Variants in RDX observed in about 807,000 individuals in gnomAD.
RDX encodes deafness, autosomal recessive 24.
RDX carries 32 observed loss-of-function variants against 83.7 expected under a neutral mutation model. The observed-to-expected ratio is 0.38, with a 90% CI of 0.29 to 0.51. The LOEUF (loss-of-function observed/expected upper bound fraction) is 0.51. Ranked by LOEUF, RDX falls within the 20% of genes least tolerant of loss-of-function variation. The pLI is 0.87. For missense variants in RDX, 600 were observed against 689.9 expected (o/e 0.87, Z 1.46); for synonymous variants, 229 against 222.7 (o/e 1.03, Z -0.25).
At chr11:110,197,490 T>C (rs1286864844) in intron 15 of RDX, among the ~76,000 whole-genome samples, 1 of 152,246 alleles carries the variant, frequency 6.6e-6, no homozygotes, top group East Asian at 1.9e-4. Context: ...CATGTCTAGA[T>C]AATTCAAAAT....
intron 14 of RDX, among the ~76,000 whole-genome samples, chr11:110,217,294 G>T (rs1340317136): frequency 6.7e-6 from 1 of 149,422 alleles, no homozygotes; most frequent in Admixed American, 6.6e-5. Context: ...AACTGCACAT[G>T]ATTCAACCTA....
At chr11:110,177,382 G>A (rs1448695974) in intron 15 of RDX, among the ~76,000 whole-genome samples, 1 of 152,172 alleles carries the variant, frequency 6.6e-6, no homozygotes, top group African/African-American at 2.4e-5. Flanking sequence ...TGTAAAAGGT[G>A]ATCTTTTAAC....
At chr11:110,219,448 G>C (rs1014365801) in intron 14 of RDX, among the ~76,000 whole-genome samples, 2 of 152,220 alleles carry the variant, frequency 1.3e-5, no homozygotes, top group Non-Finnish European at 2.9e-5. Flanking sequence ...CTTACCTGTT[G>C]TAAGATCTTA....
At chr11:110,250,412 CA>C (rs1168905507) in intron 9 of RDX, among the ~76,000 whole-genome samples, 7 of 152,180 alleles carry the variant, frequency 4.6e-5, no homozygotes, top group Non-Finnish European at 2.9e-5. Context: ...CCACAGTTCC[CA>C]AGCCAACTAC....
intron 12 of RDX, among the ~76,000 whole-genome samples, chr11:110,234,451 T>C (rs555073111): frequency 6.6e-6 from 1 of 152,260 alleles, no homozygotes; most frequent in Admixed American, 6.5e-5. Context: ...GAGATGAAAA[T>C]TGACTAAAAT....
At chr11:110,177,739 G>C (rs901819025) in intron 15 of RDX, among the ~76,000 whole-genome samples, 16 of 152,008 alleles carry the variant, frequency 1.1e-4, no homozygotes, top group Middle Eastern at 3.4e-3. Flanking sequence ...CTGCCTCGGC[G>C]TCCCAAAGTG....
chr11:110,269,812 C>A (rs186245892), intron 3 of RDX, among the ~76,000 whole-genome samples: 1 of 152,096 alleles, frequency 6.6e-6, no homozygotes, highest in African/African-American at 2.4e-5. Context: ...CCGAGGGAGG[C>A]GGATCACTTG....
intron 14 of RDX, among the ~76,000 whole-genome samples, chr11:110,223,016 TGAAC>T (rs1864305204): frequency 6.6e-6 from 1 of 152,162 alleles, no homozygotes; most frequent in East Asian, 1.9e-4. Flanking sequence ...TTACATACAA[TGAAC>T]GATTATATGT....
rs746694085 is a variant in RDX at position 110,247,386 on chromosome 11, ATG to A, written c.1090+315_1090+316del. 2.5e-3 allele frequency among the ~76,000 whole-genome samples: 382 copies of A among 152,312 alleles called. 2 individuals carry two copies. The highest frequency in any genetic ancestry group is 4.1e-3 in the Non-Finnish European group (282 of 68,012). ...CTTTAAATGCCATAATGTATTGCAT[ATG>A]TGTTTTTTGTTTATAAAGCCCATAT... is the stretch of plus-strand genomic sequence containing the variant. On this transcript the variant is annotated intron_variant, in intron 10 of 13. Coordinates refer to ENST00000645495, the MANE Select transcript of RDX (RefSeq NM_002906.4).
chr11:110,206,202 A>G (rs1310359957), intron 14 of RDX, among the ~76,000 whole-genome samples: 1 of 144,964 alleles, frequency 6.9e-6, no homozygotes, highest in African/African-American at 2.6e-5. Flanking sequence ...GGTTGCAGTG[A>G]GCCAAGATCA....
Position 110,210,656 on chromosome 11 carries a change from C to T in RDX, c.1749-10978G>A, listed in dbSNP as rs542606643. 5.9e-3 allele frequency among the ~76,000 whole-genome samples: 890 copies of T among 150,826 alleles called. 4 individuals are homozygous for T. The highest frequency in any genetic ancestry group is 0.019 in the African/African-American group (792 of 41,006). ...AGCGGATCTCTCGGCAGAAACCCTA[C>T]AAGCCAGAAGAGAGTGGGGGCCAAT... On this transcript the variant is annotated intron_variant, in intron 14 of 15. Coordinates refer to the RDX transcript ENST00000528498.
At chr11:110,211,985 AGAGCAGAACT>A (rs1565293816) in intron 14 of RDX, among the ~76,000 whole-genome samples, 1 of 142,700 alleles carries the variant, frequency 7.0e-6, no homozygotes, top group African/African-American at 2.6e-5. Flanking sequence ...AACTAAAATC[AGAGCAGAACT>A]GAAGGAAATA....
At chr11:110,279,081 G>A (rs1319262346) in intron 2 of RDX, among the ~76,000 whole-genome samples, 1 of 152,104 alleles carries the variant, frequency 6.6e-6, no homozygotes, top group Non-Finnish European at 1.5e-5. Flanking sequence ...AGATCTTCCT[G>A]ACCTCTCATT....
At chr11:110,286,465 C>G (rs981155846) in intron 1 of RDX, among the ~76,000 whole-genome samples, 3 of 152,184 alleles carry the variant, frequency 2.0e-5, no homozygotes, top group Admixed American at 6.5e-5. Context: ...GCCTCATGCT[C>G]GACACATTGA....
At chr11:110,291,630 C>A (rs1861248596) in intron 1 of RDX, among the ~76,000 whole-genome samples, 1 of 152,086 alleles carries the variant, frequency 6.6e-6, no homozygotes, top group Admixed American at 6.5e-5. Flanking sequence ...TCAAGTGATA[C>A]CCCAACCTCA....
rs1293481864 is a variant in RDX at position 110,247,879 on chromosome 11, A to G, written c.960-46T>C. On this transcript the variant is annotated intron_variant, in intron 9 of 13. Coordinates refer to ENST00000645495, the MANE Select transcript of RDX (RefSeq NM_002906.4). The stretch of plus-strand genomic sequence containing the variant: ...CTGTTACAAATTAATACACAAAAAT[A>G]TTATTCATGTGATGGAATACTACTC... 6 of 1,529,918 alleles carry G rather than the reference A, an allele frequency of 3.9e-6. No individual in the cohort carries two copies. The East Asian group carries it at 1.2e-4, about 31-fold the overall frequency. The allele number at this position is 1,529,918 out of a possible 1,614,324, so 94.8% of individuals were successfully genotyped here.
exon 16 of RDX, chr11:110,174,999 G>A (rs1350865964): frequency 6.6e-6 from 1 of 152,218 alleles, no homozygotes; most frequent in East Asian, 1.9e-4. Context: ...ACAAACACCT[G>A]CGACAATGAT....
downstream of RDX, among the ~76,000 whole-genome samples, chr11:110,227,447 T>C (rs1464842844): frequency 6.6e-6 from 1 of 152,038 alleles, no homozygotes; most frequent in African/African-American, 2.4e-5. Context: ...ATATTTAAAA[T>C]AATGATTAAA....
At chr11:110,258,084 T>C (rs896125537) in intron 6 of RDX, 22 bp downstream of exon 6, 37 of 1,560,438 alleles carry the variant, frequency 2.4e-5, no homozygotes, top group South Asian at 6.8e-5. Flanking sequence ...AAAGAAAACA[T>C]AGAAAATAGC....
Sources: gnomAD v4.1 joint callset for allele counts (sites outside exome capture counted in the v4.1 genomes callset) on GRCh38, gnomAD v4.1.1 for gene constraint, MANE v1.5 for transcripts, NCBI Gene and HGNC (gene_info 2026-07-23, HGNC 2026-07-21) for gene names.